SYT11: variants seen among roughly 807,000 people sequenced by gnomAD.
The protein encoded by SYT11 is synaptotagmin-11.
A neutral mutation model predicts 30.4 loss-of-function variants in SYT11; 12 were observed. The observed-to-expected ratio is 0.39, with a 90% CI of 0.25 to 0.64. The LOEUF is 0.64. Among genes scored for constraint, SYT11 ranks in the 30% least tolerant of loss-of-function variants. The probability of loss-of-function intolerance (pLI) is 0.45; values close to 1 mark genes in which losing one functional copy is unlikely to be tolerated. For missense variants in SYT11, 412 were observed against 552.0 expected (o/e 0.75, Z 2.54); for synonymous variants, 204 against 216.0 (o/e 0.94, Z 0.49).
intron 2 of SYT11, among the ~76,000 whole-genome samples, chr1:155,871,908 C>T (rs1484540043): frequency 6.6e-6 from 1 of 152,034 alleles, no homozygotes; most frequent in African/African-American, 2.4e-5. Context: ...ATCCCAAATC[C>T]TCCCTACCAT....
intron 2 of SYT11, among the ~76,000 whole-genome samples, chr1:155,874,604 A>AAAAAAAAAGCTGACAATAC (rs1672832043): frequency 1.3e-5 from 2 of 149,160 alleles, no homozygotes; most frequent in African/African-American, 2.5e-5. Flanking sequence ...CAAAAATAAA[A>AAAAAAAAAGCTGACAATAC]ATAAGGCCGG....
intron 2 of SYT11, among the ~76,000 whole-genome samples, chr1:155,879,271 G>T (rs1331200829): frequency 1.3e-5 from 2 of 151,984 alleles, no homozygotes; most frequent in African/African-American, 4.8e-5. Flanking sequence ...ACAAAAATTA[G>T]CCGGGCATGG....
intron 3 of SYT11, 114 bp downstream of exon 3, chr1:155,880,737 C>A: frequency 8.0e-7 from 1 of 1,244,910 alleles, no homozygotes; most frequent in Non-Finnish European, 1.1e-6. Flanking sequence ...TTTTAATCTG[C>A]TCCTCTTTCT....
rs1672956916 is a variant in SYT11 at position 155,881,337 on chromosome 1, C to G, written c.1125C>G (p.Ile375Met). Reference sequence around the variant, plus strand: ...TCCCCACTGACCTCCTGCCTGATATCAGCATCGAGTTCCTCGTTATCGACT... The same window carrying G: ...TCCCCACTGACCTCCTGCCTGATATGAGCATCGAGTTCCTCGTTATCGACT... ...YDIPTDLLPD[I>M]SIEFLVIDFD... The change falls in exon 4 of 4, where the codon ATC (isoleucine) becomes ATG (methionine). Residue 375 changes from isoleucine (I) to methionine (M), a missense_variant. Ile to Met is a conservative substitution (Grantham distance 10). Coordinates refer to ENST00000368324, the MANE Select transcript of SYT11 (RefSeq NM_152280.5). The G allele has an allele frequency of 6.2e-7, 1 of 1,614,186 alleles. No individual in the cohort carries two copies. The highest frequency in any genetic ancestry group is 8.5e-7 in the Non-Finnish European group (1 of 1,180,038).
In SYT11 at chr1:155,877,334, C is replaced by G. The variant is rs562469869; in HGVS notation, c.862-3166C>G. Among the ~76,000 whole-genome samples the G allele has an allele frequency of 2.0e-3, 307 of 151,462 alleles. 3 individuals carry two copies. The highest frequency in any genetic ancestry group is 0.01 in the Middle Eastern group (3 of 292). On this transcript the variant is annotated intron_variant, in intron 2 of 3. Coordinates refer to ENST00000368324, the MANE Select transcript of SYT11 (RefSeq NM_152280.5). ...GGCCAGGCTGGTCTCGAACTCCTGA[C>G]CTCAGGTGATCCACCTGCCTTGACC... is the stretch of plus-strand genomic sequence containing the variant.
intron 1 of SYT11, among the ~76,000 whole-genome samples, chr1:155,861,849 C>T (rs1208378073): frequency 1.3e-5 from 2 of 152,184 alleles, no homozygotes; most frequent in Non-Finnish European, 2.9e-5. Context: ...AACTCCCGAC[C>T]TCAGGTGATC....
chr1:155,881,597 T>G lies in SYT11; in HGVS notation c.*89T>G. Reference sequence around the variant, plus strand: ...ATGACAGAGAAGTGGACTCCAAACCTCATTTTAGTTGTAGAAGAAAATTTC... The same window carrying G: ...ATGACAGAGAAGTGGACTCCAAACCGCATTTTAGTTGTAGAAGAAAATTTC... On this transcript the variant is annotated 3_prime_UTR_variant, in exon 4 of 4. Transcript: ENST00000368324. 7.9e-7 allele frequency: 1 copy of G among 1,273,588 alleles called. No homozygotes were observed. The highest frequency in any genetic ancestry group is 1.1e-6 in the Non-Finnish European group (1 of 931,268). The allele number at this position is 1,273,588 out of a possible 1,614,324, so 78.9% of individuals were successfully genotyped here. A position where few individuals can be genotyped will look rare whatever the true frequency, so the allele number is the denominator to read the frequency against.
rs1193387536 is a variant in SYT11 at position 155,884,186 on chromosome 1, C to T, written c.*2678C>T. 3 of 152,678 alleles carry T rather than the reference C, an allele frequency of 2.0e-5. No homozygotes were observed. The highest frequency in any genetic ancestry group is 4.4e-5 in the Non-Finnish European group (3 of 68,020). 9.5% of individuals were successfully genotyped at this position (152,678 alleles called of 1,614,324 possible). On this transcript the variant is annotated 3_prime_UTR_variant, in exon 4 of 4. Coordinates refer to ENST00000368324, the MANE Select transcript of SYT11 (RefSeq NM_152280.5). ...CCCGCTTTTGTTTCCTTCCCAGAAA[C>T]AATGCAAAACAACAGGTGGAGATAG...
chr1:155,860,140 C>T lies in SYT11; in HGVS notation c.34+345C>T, dbSNP rs1672529894. 6.6e-6 allele frequency among the ~76,000 whole-genome samples: 1 copy of T among 152,240 alleles called. No homozygotes were observed. The highest frequency in any genetic ancestry group is 2.1e-4 in the South Asian group (1 of 4,832). The stretch of plus-strand genomic sequence containing the variant: ...CTGGGGGAGGAGAGGTGGGGTAGGC[C>T]AAGCCCTCCCCCTTGGGGCACACAG... On this transcript the variant is annotated intron_variant, in intron 1 of 3. Transcript: ENST00000368324. The surrounding 1 kb of genome is among the most constrained non-coding windows in gnomAD (Gnocchi z 4.1).
chr1:155,881,262 G>C lies in SYT11; in HGVS notation c.1050G>C (p.Val350=). The change falls in exon 4 of 4, where the codon GTG becomes GTC. Residue 350 remains valine, a synonymous_variant. Coordinates refer to ENST00000368324, the MANE Select transcript of SYT11 (RefSeq NM_152280.5). ...RKRIAKKKTH[V]KKCTLNPIFN... ...GCATTGCCAAGAAGAAAACCCATGT[G>C]AAGAAGTGCACTTTGAACCCCATCT... The C allele has an allele frequency of 6.2e-7, 1 of 1,614,210 alleles. No individual in the cohort carries two copies. The highest frequency in any genetic ancestry group is 8.5e-7 in the Non-Finnish European group (1 of 1,180,048).
At position 155,859,753 on chromosome 1, in the gene SYT11, G is replaced by A; in HGVS notation, c.-9G>A. 6.2e-7 allele frequency: 1 copy of A among 1,614,098 alleles called. No individual in the cohort carries two copies. On this transcript the variant is annotated 5_prime_UTR_variant, in exon 1 of 4. Coordinates refer to ENST00000368324, the MANE Select transcript of SYT11 (RefSeq NM_152280.5). ...CAAAAACGTTATAGCAACAGCCTCT[G>A]ATTACGACATGGCTGAGATCACCAA...
chr1:155,876,796 G>A (rs938656194), intron 2 of SYT11, among the ~76,000 whole-genome samples: 6 of 151,240 alleles, frequency 4.0e-5, no homozygotes, highest in Admixed American at 4.0e-4. Flanking sequence ...AACGAAGTCT[G>A]CTTTTTTGAG....
intron 1 of SYT11, 102 bp downstream of exon 1, chr1:155,859,897 C>A: frequency 8.7e-7 from 1 of 1,148,552 alleles, no homozygotes; most frequent in Non-Finnish European, 1.3e-6. Context: ...CCAGAGCCTT[C>A]AAAATGCCAG....
chr1:155,881,714 G>C lies in SYT11; in HGVS notation c.*206G>C, dbSNP rs530395388. 1 of 459,862 alleles carries C rather than the reference G, an allele frequency of 2.2e-6. No homozygotes were observed. The highest frequency in any genetic ancestry group is 3.8e-6 in the Non-Finnish European group (1 of 261,772). 28.5% of individuals were successfully genotyped at this position (459,862 alleles called of 1,614,324 possible). ...TGTTTTTTTTTCTGCTTTGCAAGGC[G>C]CTAGAATCTTTTATTTTACTTTATT... On this transcript the variant is annotated 3_prime_UTR_variant, in exon 4 of 4. Coordinates refer to ENST00000368324, the MANE Select transcript of SYT11 (RefSeq NM_152280.5).
rs142781828 is a variant in SYT11, at chr1:155,873,145, C to T, written c.861+4354C>T. ...AAACTGTGCTTTTAAAATCAGATGT[C>T]GGCTAGGCGCGGTGTCTCAGGCCTG... On this transcript the variant is annotated intron_variant, in intron 2 of 3. Transcript: ENST00000368324. Among the ~76,000 whole-genome samples, 39 of 152,214 alleles carry T rather than the reference C, an allele frequency of 2.6e-4. No homozygotes were observed. The South Asian group carries it at 5.4e-3, about 21-fold the overall frequency.
intron 1 of SYT11, among the ~76,000 whole-genome samples, chr1:155,862,628 G>A (rs1672611778): frequency 6.6e-6 from 1 of 152,158 alleles, no homozygotes; most frequent in East Asian, 1.9e-4. Flanking sequence ...AGCAGCAGTG[G>A]GTTGCCCCCC....
Position 155,868,749 on chromosome 1 carries a change from C to G in SYT11, c.819C>G (p.Gly273=). 1 of 1,614,050 alleles carries G rather than the reference C, an allele frequency of 6.2e-7. No individual in the cohort carries two copies. The highest frequency in any genetic ancestry group is 1.1e-5 in the South Asian group (1 of 91,064). Residue 273 remains glycine, a synonymous_variant, in exon 2 of 4, where the codon GGC becomes GGG. Coordinates refer to ENST00000368324, the MANE Select transcript of SYT11 (RefSeq NM_152280.5). This position sits in a 1 kb window ranked among gnomAD's most constrained non-coding sequence, Gnocchi z 4.7. ...VPLAGVDPST[G]KVQLTRDIIK... ...TGGCAGGGGTGGACCCCAGCACAGG[C>G]AAGGTACAACTGACCAGGGACATCA...
chr1:155,870,939 T>C (rs960248319), intron 2 of SYT11, among the ~76,000 whole-genome samples: 4 of 152,170 alleles, frequency 2.6e-5, no homozygotes, highest in Non-Finnish European at 5.9e-5. Flanking sequence ...GACACATTTG[T>C]GATTGTGATT....
rs898104964 is a variant in SYT11, at chr1:155,884,738, T to G, written c.*3230T>G. Reference sequence around the variant, plus strand: ...ATTCCTTTGGGAAGACAAGAATTTTTCTTAATAACAAAGGTCCCTTTATGA... The same window carrying G: ...ATTCCTTTGGGAAGACAAGAATTTTGCTTAATAACAAAGGTCCCTTTATGA... On this transcript the variant is annotated 3_prime_UTR_variant, in exon 4 of 4. Transcript: ENST00000368324. 5 of 152,814 alleles carry G rather than the reference T, an allele frequency of 3.3e-5. No homozygotes were observed. Among genetic ancestry groups the G allele is most frequent in the African/African-American group, 1.2e-4 (5 of 41,452 alleles). The allele number at this position is 152,814 out of a possible 1,614,324, so 9.5% of individuals were successfully genotyped here. A position where few individuals can be genotyped will look rare whatever the true frequency, so the allele number is the denominator to read the frequency against.
Sources: gnomAD v4.1 joint callset for allele counts (sites outside exome capture counted in the v4.1 genomes callset) on GRCh38, gnomAD v4.1.1 for gene constraint, Gnocchi (gnomAD v3.1) non-coding constraint, MANE v1.5 for transcripts, NCBI Gene and HGNC (gene_info 2026-07-23, HGNC 2026-07-21) for gene names.